Variants in USP34 observed in about 807,000 individuals in gnomAD.
USP34 encodes the protein ubiquitin specific peptidase 34, also known as ubiquitin carboxyl-terminal hydrolase 34.
USP34 carries 70 observed loss-of-function variants against 460.3 expected under a neutral mutation model. The observed-to-expected ratio is 0.15, with a 90% CI of 0.13 to 0.19. The LOEUF is 0.19. Ranked by LOEUF, USP34 falls within the 10% of genes least tolerant of loss-of-function variation. The pLI is 1.00. For synonymous variants in USP34, 1,647 were observed against 1,405.3 expected, an observed-to-expected ratio of 1.17 and a Z score of -3.85; for missense variants, 3,985 against 4,236.2, an observed-to-expected ratio of 0.94 and a Z score of 1.65.
At chr2:61,382,945 T>G (rs1393405609) in intron 6 of USP34, among the ~76,000 whole-genome samples, 1 of 152,232 alleles carries the variant, frequency 6.6e-6, no homozygotes, top group East Asian at 1.9e-4. Context: ...CAATTTGTTT[T>G]CTTCTCTGCT....
At chr2:61,374,662 T>C (rs1261354261) in intron 8 of USP34, among the ~76,000 whole-genome samples, 1 of 151,972 alleles carries the variant, frequency 6.6e-6, no homozygotes, top group South Asian at 2.1e-4. Flanking sequence ...CAGGCCGAAG[T>C]GCAGTGGCGC....
intron 1 of USP34, among the ~76,000 whole-genome samples, chr2:61,440,021 C>A (rs149914232): frequency 2.0e-5 from 3 of 152,180 alleles, no homozygotes; most frequent in African/African-American, 7.2e-5. Flanking sequence ...CCAAGACAAG[C>A]TGCAAGGCCC....
chr2:61,334,403 T>C (rs932039040), intron 18 of USP34, among the ~76,000 whole-genome samples: 5 of 151,976 alleles, frequency 3.3e-5, no homozygotes, highest in African/African-American at 7.2e-5. Context: ...GGAAAGGAAA[T>C]TACTTTAAAA....
At chr2:61,198,664 T>G (rs548788816) in intron 75 of USP34, among the ~76,000 whole-genome samples, 30 of 151,662 alleles carry the variant, frequency 2.0e-4, no homozygotes, top group African/African-American at 7.0e-4. Flanking sequence ...AGGTCAGGAG[T>G]TCGAGACCAG....
At chr2:61,301,253 A>G (rs1690214552) in intron 28 of USP34, 93 bp from the exon 29 acceptor site, 8 of 1,509,628 alleles carry the variant, frequency 5.3e-6, no homozygotes, top group Middle Eastern at 1.8e-4. Context: ...AAATTTTAAT[A>G]TAACAAAGCA....
At chr2:61,302,462 T>C (rs1466833014) in intron 27 of USP34, among the ~76,000 whole-genome samples, 3 of 152,236 alleles carry the variant, frequency 2.0e-5, no homozygotes, top group Non-Finnish European at 2.9e-5. Context: ...TTGCTAATCA[T>C]TGTGTAGCTA....
intron 3 of USP34, among the ~76,000 whole-genome samples, 199 bp downstream of exon 3, chr2:61,405,509 T>C (rs1220363489): frequency 7.2e-5 from 11 of 152,196 alleles, no homozygotes; most frequent in Admixed American, 6.5e-4. Flanking sequence ...GTATAGATCT[T>C]TCCTTGATAG....
chr2:61,310,864 C>T (rs1478578153), intron 27 of USP34, among the ~76,000 whole-genome samples: 1 of 151,978 alleles, frequency 6.6e-6, no homozygotes, highest in Non-Finnish European at 1.5e-5. Context: ...TTAAAGTTAT[C>T]AAAAATTCCC....
At chr2:61,199,852 C>T (rs1686917999) in intron 75 of USP34, 1 of 152,026 alleles carries the variant, frequency 6.6e-6, no homozygotes. Context: ...GAAAAAAGGA[C>T]AAATAAAAAA....
chr2:61,454,397 T>C (rs1165156686), intron 1 of USP34, among the ~76,000 whole-genome samples: 2 of 152,158 alleles, frequency 1.3e-5, no homozygotes, highest in Non-Finnish European at 2.9e-5. Flanking sequence ...GTGCTGGGAT[T>C]ACAGGCATGA....
chr2:61,417,731 CTTTTTTTCTTTTCT>C (rs1226659870), intron 2 of USP34, among the ~76,000 whole-genome samples: 2 of 95,252 alleles, frequency 2.1e-5, no homozygotes, highest in Non-Finnish European at 4.2e-5. Flanking sequence ...TTTTTTTTTT[CTTTTTTTCTTTTCT>C]TTTTTTTTTT....
intron 20 of USP34, 53 bp from the exon 21 acceptor site, chr2:61,325,510 T>G: frequency 8.0e-7 from 1 of 1,252,294 alleles, no homozygotes; most frequent in Non-Finnish European, 1.1e-6. Flanking sequence ...TTAATTACTT[T>G]TAAAAATTTA....
At chr2:61,374,281 C>T (rs1692725410) in intron 8 of USP34, among the ~76,000 whole-genome samples, 1 of 152,076 alleles carries the variant, frequency 6.6e-6, no homozygotes, top group South Asian at 2.1e-4. Flanking sequence ...CCAAGTGGCG[C>T]CAGGACTTCT....
intron 4 of USP34, 52 bp downstream of exon 4, chr2:61,395,131 T>C (rs1693477198): frequency 6.8e-7 from 1 of 1,467,386 alleles, no homozygotes; most frequent in Middle Eastern, 1.8e-4. Context: ...GGATGAGGCT[T>C]TGTTAAAAAA....
In USP34 at chr2:61,301,447, G is replaced by A. The variant is rs1382257273; in HGVS notation, c.3825C>T (p.Leu1275=). ...ATGAAATCATCCTGACAGGTCCCAT[G>A]AGGCCTCCTTAAAAACAGCAAAACA... ...SNRKGEFPGG[L]MGPVRMISSG... The change falls in exon 28 of 80, where the codon CTC becomes CTT. Residue 1275 remains leucine, a synonymous_variant. Coordinates refer to ENST00000398571, the MANE Select transcript of USP34 (RefSeq NM_014709.4). The A allele has an allele frequency of 1.2e-6, 2 of 1,609,672 alleles. No individual in the cohort carries two copies. The highest frequency in any genetic ancestry group is 8.5e-7 in the Non-Finnish European group (1 of 1,179,022).
chr2:61,248,688 G>A lies in USP34; in HGVS notation c.6222-5C>T, dbSNP rs1393750584. On this transcript the variant is annotated splice_region_variant and splice_polypyrimidine_tract_variant and intron_variant, in intron 48 of 79. Transcript: ENST00000398571. Reference sequence around the variant, plus strand: ...GGCAATTTCTTAAAACATGCCCTGAGAGACAAGAAAAAAATTAATAAAGAT... The same window carrying A: ...GGCAATTTCTTAAAACATGCCCTGAAAGACAAGAAAAAAATTAATAAAGAT... 8 of 1,545,138 alleles carry A rather than the reference G, an allele frequency of 5.2e-6. No homozygotes were observed. The highest frequency in any genetic ancestry group is 7.0e-6 in the Non-Finnish European group (8 of 1,142,672).
intron 3 of USP34, among the ~76,000 whole-genome samples, chr2:61,403,551 T>A (rs1463747279): frequency 6.6e-6 from 1 of 152,198 alleles, no homozygotes; most frequent in African/African-American, 2.4e-5. Context: ...TCAGAATATT[T>A]AATATATTTT....
chr2:61,196,069 A>ATTTTTTTTTTTTTTTTT (rs71403398), intron 75 of USP34, among the ~76,000 whole-genome samples: 3 of 41,576 alleles, frequency 7.2e-5, no homozygotes, highest in African/African-American at 3.2e-4. Context: ...ACCATGCACG[A>ATTTTTTTTTTTTTTTTT]TTTTTTTTTT....
chr2:61,223,565 TTTAC>T (rs1484156465), intron 62 of USP34: 52 of 339,798 alleles, frequency 1.5e-4, no homozygotes, highest in Non-Finnish European at 1.8e-4. Flanking sequence ...TGGGTCTTAT[TTTAC>T]TTACTTTTTT....
Sources: allele counts gnomAD v4.1 joint callset (sites outside exome capture counted in the v4.1 genomes callset), GRCh38; gene constraint gnomAD v4.1.1; transcripts MANE v1.5; gene names NCBI Gene and HGNC (gene_info 2026-07-23, HGNC 2026-07-21).